Variants in FIRRM observed in about 807,000 individuals in gnomAD.
FIRRM encodes FIGNL1-interacting regulator of recombination and mitosis.
chr1:169,789,445 T>C, the FIRRM span, among the ~76,000 whole-genome samples: 1 of 152,144 alleles, frequency 6.6e-6, no homozygotes, highest in South Asian at 2.1e-4. Context: ...CATAACTCAG[T>C]CAGCACAGAG....
the FIRRM span, among the ~76,000 whole-genome samples, chr1:169,817,896 A>T: frequency 6.6e-6 from 1 of 152,092 alleles, no homozygotes; most frequent in Non-Finnish European, 1.5e-5. Flanking sequence ...CCAGTGTTCA[A>T]TTTATGGAAA....
the FIRRM span, among the ~76,000 whole-genome samples, chr1:169,835,934 G>A: frequency 1.3e-5 from 2 of 152,234 alleles, no homozygotes; most frequent in African/African-American, 4.8e-5. Flanking sequence ...TGTAGCCTCT[G>A]TCACAGCAGA....
chr1:169,830,530 G>T, the FIRRM span, among the ~76,000 whole-genome samples: 2 of 152,182 alleles, frequency 1.3e-5, no homozygotes, highest in African/African-American at 4.8e-5. Flanking sequence ...CAAGCCAATA[G>T]ATGAGTACTG....
the FIRRM span, among the ~76,000 whole-genome samples, chr1:169,818,622 A>G: frequency 5.3e-5 from 8 of 152,212 alleles, no homozygotes; most frequent in Non-Finnish European, 2.9e-5. Flanking sequence ...TTCATACACA[A>G]TACATATAAA....
the FIRRM span, chr1:169,853,079 T>C: frequency 1.7e-6 from 2 of 1,203,706 alleles, no homozygotes; most frequent in Non-Finnish European, 2.4e-6. Context: ...ACAAATTTTG[T>C]AAAGTTGAAT....
the FIRRM span, among the ~76,000 whole-genome samples, chr1:169,796,226 T>G: frequency 1.3e-5 from 2 of 152,164 alleles, no homozygotes; most frequent in African/African-American, 4.8e-5. Context: ...TCAAGGAGTT[T>G]CAACTTGAAA....
the FIRRM span, chr1:169,836,938 C>A: frequency 6.2e-7 from 1 of 1,610,176 alleles, no homozygotes; most frequent in Non-Finnish European, 8.5e-7. Flanking sequence ...TGGAGTTTAT[C>A]CAGAAATTTT....
At chr1:169,852,611 A>T in the FIRRM span, 2 of 629,834 alleles carry the variant, frequency 3.2e-6, no homozygotes, top group Non-Finnish European at 2.7e-6. Context: ...TGCTATGATA[A>T]ACCAAAATGC....
the FIRRM span, chr1:169,842,641 C>A: frequency 1.5e-6 from 2 of 1,346,048 alleles, no homozygotes; most frequent in Non-Finnish European, 1.0e-6. Flanking sequence ...GTATCTAATT[C>A]TTTTGGGTGC....
chr1:169,790,933 G>A, the FIRRM span, among the ~76,000 whole-genome samples: 6,902 of 152,268 alleles, frequency 0.045, 263 homozygotes, highest in Non-Finnish European at 0.072. Context: ...GCTGGGCAGG[G>A]GAGTGGTTTC....
the FIRRM span, among the ~76,000 whole-genome samples, chr1:169,791,994 G>A: frequency 6.6e-6 from 1 of 151,932 alleles, no homozygotes; most frequent in Non-Finnish European, 1.5e-5. Flanking sequence ...TCTTTTACTT[G>A]GCTATAAGGG....
the FIRRM span, among the ~76,000 whole-genome samples, chr1:169,820,039 C>T: frequency 6.6e-6 from 1 of 152,122 alleles, no homozygotes. Context: ...AACATGAACC[C>T]CCAAATTCCT....
At chr1:169,845,856 T>C in the FIRRM span, among the ~76,000 whole-genome samples, 1 of 152,222 alleles carries the variant, frequency 6.6e-6, no homozygotes, top group African/African-American at 2.4e-5. Flanking sequence ...TTAATGTTGA[T>C]ATTTTGACCT....
At chr1:169,820,272 C>T in the FIRRM span, among the ~76,000 whole-genome samples, 1 of 152,160 alleles carries the variant, frequency 6.6e-6, no homozygotes, top group Non-Finnish European at 1.5e-5. Context: ...AGAAAGACCC[C>T]TCCATTGCAG....
At chr1:169,835,035 G>T in the FIRRM span, among the ~76,000 whole-genome samples, 201 of 152,230 alleles carry the variant, frequency 1.3e-3, no homozygotes, top group African/African-American at 4.6e-3. Flanking sequence ...AATGTGGAAG[G>T]TGGTGGGACT....
At chr1:169,799,349 A>G in the FIRRM span, among the ~76,000 whole-genome samples, 1 of 152,240 alleles carries the variant, frequency 6.6e-6, no homozygotes, top group African/African-American at 2.4e-5. Context: ...TCTAGGTGAT[A>G]ACAAATTTAC....
At chr1:169,833,016 TAG>T in the FIRRM span, among the ~76,000 whole-genome samples, 1 of 152,202 alleles carries the variant, frequency 6.6e-6, no homozygotes, top group African/African-American at 2.4e-5. Context: ...CTTTGAGTTA[TAG>T]ATAATTATTC....
chr1:169,827,980 T>C, the FIRRM span: 2,063 of 786,072 alleles, frequency 2.6e-3, 35 homozygotes, highest in African/African-American at 0.032. Context: ...GACACACATA[T>C]ATATTGCTAC....
chr1:169,838,710 G>A, the FIRRM span, among the ~76,000 whole-genome samples: 2 of 152,030 alleles, frequency 1.3e-5, no homozygotes, highest in Admixed American at 6.6e-5. Context: ...GGCTGGTCTC[G>A]AACTCCTGAC....
Sources: allele counts gnomAD v4.1 joint callset (sites outside exome capture counted in the v4.1 genomes callset), GRCh38; gene constraint gnomAD v4.1.1; transcripts MANE v1.5; gene names NCBI Gene and HGNC (gene_info 2026-07-23, HGNC 2026-07-21).